The following CDH13 variants were observed in gnomAD, a reference collection of about 807,000 sequenced individuals.
The protein encoded by CDH13 is cadherin-13.
In CDH13, 24 loss-of-function variants were observed where a neutral mutation model predicts 63.8. The observed-to-expected ratio is 0.38, with a 90% CI of 0.27 to 0.53. The LOEUF is 0.53. Ranked by LOEUF, CDH13 falls within the 20% of genes least tolerant of loss-of-function variation. CDH13 has a pLI of 0.85. For missense variants in CDH13, 1,049 were observed against 903.1 expected (o/e 1.16, Z -2.07); for synonymous variants, 503 against 355.3 (o/e 1.42, Z -4.67).
chr16:83,335,958 C>A (rs1206817490), intron 5 of CDH13, among the ~76,000 whole-genome samples: 1 of 152,002 alleles, frequency 6.6e-6, no homozygotes, highest in Non-Finnish European at 1.5e-5. Context: ...TGTCTGAGGA[C>A]TTTTGTCTGC....
chr16:83,113,250 T>G (rs1175422983), intron 3 of CDH13, among the ~76,000 whole-genome samples: 1 of 152,212 alleles, frequency 6.6e-6, no homozygotes, highest in Admixed American at 6.5e-5. Flanking sequence ...GCAGCTTTAC[T>G]CTTATTAGAG....
At chr16:83,406,416 T>TC (rs1567650653) in intron 6 of CDH13, among the ~76,000 whole-genome samples, 11 of 135,370 alleles carry the variant, frequency 8.1e-5, no homozygotes, top group African/African-American at 1.1e-4. Context: ...CTCTCTTTCT[T>TC]TCCCCCCCCG....
intron 10 of CDH13, among the ~76,000 whole-genome samples, chr16:83,738,062 G>A (rs563245984): frequency 2.1e-4 from 32 of 152,360 alleles, no homozygotes; most frequent in Admixed American, 2.1e-3. Flanking sequence ...CACAACAGCA[G>A]AAAGTTAATG....
chr16:83,320,165 G>C (rs11641461), intron 5 of CDH13, among the ~76,000 whole-genome samples: 1 of 151,700 alleles, frequency 6.6e-6, no homozygotes, highest in Admixed American at 6.6e-5. Flanking sequence ...TCAACCTCAC[G>C]AGTAGCTACG....
chr16:83,731,790 C>G (rs1911067758), intron 10 of CDH13, among the ~76,000 whole-genome samples: 1 of 152,158 alleles, frequency 6.6e-6, no homozygotes, highest in Admixed American at 6.5e-5. Context: ...TTGATTTATT[C>G]AGAAAGTATC....
At chr16:82,750,888 C>G (rs2034387331) in intron 1 of CDH13, among the ~76,000 whole-genome samples, 1 of 152,138 alleles carries the variant, frequency 6.6e-6, no homozygotes, top group African/African-American at 2.4e-5. Context: ...AATGCTAGGA[C>G]TGGTCACTTA....
At chr16:83,239,585 A>T (rs528134676) in intron 5 of CDH13, among the ~76,000 whole-genome samples, 8 of 152,300 alleles carry the variant, frequency 5.3e-5, no homozygotes, top group African/African-American at 1.9e-4. Context: ...CAAAGAAAAT[A>T]GGCATAGCAT....
intron 3 of CDH13, among the ~76,000 whole-genome samples, chr16:83,071,451 G>C (rs56231020): frequency 0.092 from 13,944 of 152,150 alleles, 725 homozygotes; most frequent in East Asian, 0.15. Flanking sequence ...TCTTCCCTGA[G>C]AGCTCCTCCA....
At chr16:83,635,863 C>G (rs994051965) in intron 8 of CDH13, among the ~76,000 whole-genome samples, 1 of 152,140 alleles carries the variant, frequency 6.6e-6, no homozygotes, top group Admixed American at 6.5e-5. Context: ...GGTGTCAACT[C>G]TAGGAATTCT....
chr16:83,179,377 C>G (rs996580037), intron 4 of CDH13, among the ~76,000 whole-genome samples: 2 of 151,480 alleles, frequency 1.3e-5, no homozygotes, highest in Non-Finnish European at 2.9e-5. Context: ...GGCGCGGTGG[C>G]TCACGCCTGG....
chr16:82,693,043 G>T (rs1915790321), intron 1 of CDH13, among the ~76,000 whole-genome samples: 1 of 152,250 alleles, frequency 6.6e-6, no homozygotes, highest in South Asian at 2.1e-4. Context: ...CATTGTTGAG[G>T]AGGGCCATGT....
intron 1 of CDH13, among the ~76,000 whole-genome samples, chr16:82,809,250 A>AT (rs1159955139): frequency 1.3e-5 from 2 of 151,020 alleles, no homozygotes; most frequent in African/African-American, 4.9e-5. Context: ...TTATTACATT[A>AT]TTTTTTCATG....
intron 5 of CDH13, among the ~76,000 whole-genome samples, chr16:83,246,187 A>T (rs1199052776): frequency 3.9e-5 from 6 of 152,230 alleles, no homozygotes; most frequent in Non-Finnish European, 8.8e-5. Flanking sequence ...TAGTTTTGGA[A>T]TCACTGATAA....
chr16:82,878,691 G>A (rs1392976999), intron 2 of CDH13, among the ~76,000 whole-genome samples: 27 of 151,280 alleles, frequency 1.8e-4, no homozygotes, highest in Admixed American at 1.7e-3. Flanking sequence ...GGGGGTTGGG[G>A]AGACACAAGC....
At chr16:83,307,807 C>A (rs531942571) in intron 5 of CDH13, among the ~76,000 whole-genome samples, 1 of 152,202 alleles carries the variant, frequency 6.6e-6, no homozygotes, top group Non-Finnish European at 1.5e-5. Flanking sequence ...GCACTATTAT[C>A]CCATGATAAC....
At chr16:82,821,656 T>G (rs930321262) in intron 1 of CDH13, among the ~76,000 whole-genome samples, 1 of 152,184 alleles carries the variant, frequency 6.6e-6, no homozygotes, top group Admixed American at 6.5e-5. Flanking sequence ...ACTACAAACA[T>G]GAATCAATGA....
At chr16:83,004,289 C>G (rs1913249249) in intron 2 of CDH13, among the ~76,000 whole-genome samples, 1 of 152,250 alleles carries the variant, frequency 6.6e-6, no homozygotes, top group Non-Finnish European at 1.5e-5. Flanking sequence ...GCTCTGGAGG[C>G]TCAAAAGGAA....
chr16:83,006,764 G>T (rs188774623), intron 2 of CDH13, among the ~76,000 whole-genome samples: 417 of 152,206 alleles, frequency 2.7e-3, no homozygotes, highest in Non-Finnish European at 4.6e-3. Flanking sequence ...TCAGAAACAG[G>T]TTTCATCCCA....
rs2073148050 is a variant in CDH13, at chr16:83,460,504, C to T, written c.782-25973C>T. 2.0e-5 allele frequency among the ~76,000 whole-genome samples: 3 copies of T among 152,122 alleles called. No homozygotes were observed. In the South Asian group the frequency reaches 6.2e-4, roughly 32 times the overall value. ...ATTGATGGAAGCATAGCTCCGTACC[C>T]GGCAGTGTGTACGTCTGATGAACTG... On this transcript the variant is annotated intron_variant, in intron 6 of 13. Coordinates refer to ENST00000567109, the MANE Select transcript of CDH13 (RefSeq NM_001257.5).
Sources: allele counts gnomAD v4.1 joint callset (sites outside exome capture counted in the v4.1 genomes callset), GRCh38; gene constraint gnomAD v4.1.1; transcripts MANE v1.5; gene names NCBI Gene and HGNC (gene_info 2026-07-23, HGNC 2026-07-21).